The following CARNS1 variants were observed in gnomAD, a reference collection of about 807,000 sequenced individuals.
CARNS1 encodes the protein carnosine synthase 1.
In CARNS1, 61 loss-of-function variants were observed where a neutral mutation model predicts 74.0. That is an observed-to-expected ratio of 0.82 (90% CI 0.67 to 1.02). CARNS1 has a LOEUF of 1.02. Ranked by LOEUF, CARNS1 falls within the 50% of genes least tolerant of loss-of-function variation. The probability of loss-of-function intolerance (pLI) is 0.00; values close to 1 mark genes in which losing one functional copy is unlikely to be tolerated. For missense variants in CARNS1, 1,278 were observed against 1,308.4 expected, an observed-to-expected ratio of 0.98 and a Z score of 0.36; for synonymous variants, 568 against 605.5, an observed-to-expected ratio of 0.94 and a Z score of 0.91.
intron 1 of CARNS1, 141 bp downstream of exon 1, chr11:67,415,904 C>G (rs967566448): frequency 3.8e-6 from 1 of 264,454 alleles, no homozygotes; most frequent in Non-Finnish European, 7.2e-6. Flanking sequence ...GGACCCGGTG[C>G]CCCCAACTCC....
rs1390038623 is a variant in CARNS1 at position 67,419,814 on chromosome 11, G to C, written c.1089G>C (p.Gln363His). 8.8e-6 allele frequency: 14 copies of C among 1,594,272 alleles called. No individual in the cohort carries two copies. The highest frequency in any genetic ancestry group is 1.1e-5 in the Non-Finnish European group (13 of 1,171,020). Residue 363 changes from glutamine (Q) to histidine (H), a missense_variant, in exon 7 of 10, where the codon CAG becomes CAC. Transcript: ENST00000687366. ...TCTGTGCTGTGGTGTGTCGGACACA[G>C]GGTGATAGGCCACTGCTGAGCAAGG... ...VRICAVVCRT[Q>H]GDRPLLSKVV... is the part of the protein sequence containing the mutation.
At chr11:67,421,328 C>G in intron 9 of CARNS1, 109 bp downstream of exon 9, 1 of 1,222,064 alleles carries the variant, frequency 8.2e-7, no homozygotes, top group Non-Finnish European at 1.1e-6. Flanking sequence ...GCGGGACCAG[C>G]CGCGCTAGAG....
In CARNS1 at chr11:67,420,822, G is replaced by A. The variant is rs926940738; in HGVS notation, c.1327G>A (p.Ala443Thr). The A allele has an allele frequency of 8.2e-7, 1 of 1,223,168 alleles. No individual in the cohort carries two copies. Among genetic ancestry groups the A allele is most frequent in the Non-Finnish European group, 1.0e-6 (1 of 983,474 alleles). 75.8% of individuals were successfully genotyped at this position (1,223,168 alleles called of 1,614,324 possible). Residue 443 changes from alanine to threonine, a missense_variant, in exon 8 of 10, where the codon GCG becomes ACG. Around this residue, in one of 3 missense-constraint regions of CARNS1, gnomAD observed 1,164 missense variants for 1,156.5 expected, o/e 1.01. Transcript: ENST00000687366. ...LSAEQRGGRR[A>T]HTDFLGVDFA... The stretch of plus-strand genomic sequence containing the variant: ...TGCCGAGCAGCGCGGCGGGCGCCGG[G>A]CGCACACGGACTTCCTGGGTGAGTG...
In CARNS1 at chr11:67,418,467, G is replaced by A; in HGVS notation, c.311G>A (p.Gly104Asp). ...PGAEVTLCVLGSPSTFLPVLL... is the reference protein window; with the variant it reads ...PGAEVTLCVLDSPSTFLPVLL... ...GCGGAGGTGACCTTGTGCGTTCTGG[G>A]CTCCCCCAGCACCTTTCTGCCTGTG... The change falls in exon 4 of 10, where the codon GGC becomes GAC. Residue 104 changes from glycine to aspartate, a missense_variant. By Grantham distance (94) the Gly-to-Asp change is moderately conservative. Transcript: ENST00000687366. 1 of 1,478,136 alleles carries A rather than the reference G, an allele frequency of 6.8e-7. No homozygotes were observed. Among genetic ancestry groups the A allele is most frequent in the Non-Finnish European group, 8.9e-7 (1 of 1,117,962 alleles). 91.6% of individuals were successfully genotyped at this position (1,478,136 alleles called of 1,614,324 possible).
In CARNS1 at chr11:67,421,025, G is replaced by A. The variant is rs545975688; in HGVS notation, c.1432G>A (p.Gly478Ser). 1 of 1,372,456 alleles carries A rather than the reference G, an allele frequency of 7.3e-7. No homozygotes were observed. Among genetic ancestry groups the A allele is most frequent in the Non-Finnish European group, 9.3e-7 (1 of 1,069,728 alleles). The allele number at this position is 1,372,456 out of a possible 1,614,324, so 85.0% of individuals were successfully genotyped here. Residue 478 changes from glycine to serine, a missense_variant, in exon 9 of 10, where the codon GGC (glycine) becomes AGC (serine). Physicochemically the swap from Gly to Ser is moderately conservative, Grantham distance 56. Transcript: ENST00000687366. Reference protein sequence around the residue: ...LNGGLCLEACGALEGLWAAPR... With the variant: ...LNGGLCLEACSALEGLWAAPR... ...CGGCGGCCTGTGTCTGGAGGCGTGCGGCGCGCTGGAGGGGCTGTGGGCCGC... is the reference window on the plus strand; with the variant it reads ...CGGCGGCCTGTGTCTGGAGGCGTGCAGCGCGCTGGAGGGGCTGTGGGCCGC...
intron 2 of CARNS1, chr11:67,416,526 A>G: frequency 8.5e-7 from 1 of 1,181,476 alleles, no homozygotes; most frequent in Non-Finnish European, 1.1e-6. Flanking sequence ...ACAGCACACC[A>G]TCTCCCAACA....
rs185582246 is a variant in CARNS1, at chr11:67,424,181, C to T, written c.2433C>T (p.Ile811=). 3.2e-4 allele frequency: 517 copies of T among 1,613,904 alleles called. 1 individual carries two copies. The African/African-American group carries it at 5.9e-3, about 18-fold the overall frequency. ...LKLTGAGPRL[I]EINPRMGGFY... is the part of the protein sequence containing the mutation. ...TGACCGGGGCTGGGCCTCGGCTTAT[C>T]GAGATCAACCCCCGCATGGGTGGCT... The change falls in exon 10 of 10, where the codon ATC becomes ATT. Residue 811 remains isoleucine (I), a synonymous_variant. Coordinates refer to ENST00000687366, the MANE Select transcript of CARNS1 (RefSeq NM_001166222.2).
intron 9 of CARNS1, among the ~76,000 whole-genome samples, chr11:67,422,171 CTT>C (rs35293042): frequency 7.1e-4 from 52 of 72,788 alleles, no homozygotes; most frequent in African/African-American, 4.2e-3. Context: ...CGCGCCCGGC[CTT>C]TTTTTTTTTT....
intron 7 of CARNS1, among the ~76,000 whole-genome samples, 156 bp from the exon 8 acceptor site, chr11:67,420,453 G>C (rs1863665144): frequency 6.6e-6 from 1 of 152,234 alleles, no homozygotes; most frequent in Non-Finnish European, 1.5e-5. Context: ...ATGGGGAGTG[G>C]CAGGGAGAGC....
chr11:67,421,113 G>A lies in CARNS1; in HGVS notation c.1520G>A (p.Arg507Gln). 6.9e-7 allele frequency: 1 copy of A among 1,458,230 alleles called. No homozygotes were observed. Among genetic ancestry groups the A allele is most frequent in the African/African-American group, 1.5e-5 (1 of 67,646 alleles). The allele number at this position is 1,458,230 out of a possible 1,614,324, so 90.3% of individuals were successfully genotyped here. The part of the protein sequence containing the change: ...VAAPLVETML[R>Q]RSARCLMEGK... ...GCGCCGCTGGTGGAGACCATGCTTC[G>A]GCGGTCGGCGCGCTGCCTCATGGAG... Residue 507 changes from arginine (R) to glutamine (Q), a missense_variant, in exon 9 of 10, where the codon CGG becomes CAG. Around this residue, in one of 3 missense-constraint regions of CARNS1, gnomAD observed 1,164 missense variants for 1,156.5 expected, o/e 1.01. Coordinates refer to ENST00000687366, the MANE Select transcript of CARNS1 (RefSeq NM_001166222.2).
chr11:67,415,997 G>T, intron 1 of CARNS1, 179 bp from the exon 2 acceptor site: 1 of 621,372 alleles, frequency 1.6e-6, no homozygotes, highest in Non-Finnish European at 2.9e-6. Context: ...GAGCCACTCG[G>T]TCTGGGCAGC....
chr11:67,424,004 T>C lies in CARNS1; in HGVS notation c.2256T>C (p.Asn752=). The part of the protein sequence containing the change: ...GRLLAAFVSD[N]GPTRLPGFTE... ...TGCTGGCTGCCTTTGTCTCCGACAA[T>C]GGCCCTACGAGGCTGCCTGGCTTCA... Residue 752 remains asparagine (N), a synonymous_variant, in exon 10 of 10, where the codon AAT becomes AAC. Coordinates refer to ENST00000687366, the MANE Select transcript of CARNS1 (RefSeq NM_001166222.2). 1 of 1,613,130 alleles carries C rather than the reference T, an allele frequency of 6.2e-7. No individual in the cohort carries two copies.
Position 67,420,609 on chromosome 11 carries a change from G to A in CARNS1, c.1114G>A (p.Val372Met). Reference protein sequence around the residue: ...TQGDRPLLSKVVCGVGRGDRP... With the variant: ...TQGDRPLLSKMVCGVGRGDRP... ...TCCCCCTGAGTCTCCCCCTGCCCAG[G>A]TGGTGTGCGGCGTGGGCCGCGGGGA... Residue 372 changes from valine (V) to methionine (M), a missense_variant and splice_region_variant, in exon 8 of 10, where the codon GTG becomes ATG. By Grantham distance (21) the Val-to-Met change is conservative (BLOSUM62 1). Coordinates refer to ENST00000687366, the MANE Select transcript of CARNS1 (RefSeq NM_001166222.2). 1 of 1,238,858 alleles carries A rather than the reference G, an allele frequency of 8.1e-7. No homozygotes were observed. Among genetic ancestry groups the A allele is most frequent in the East Asian group, 3.1e-5 (1 of 31,810 alleles). The allele number at this position is 1,238,858 out of a possible 1,614,324, so 76.7% of individuals were successfully genotyped here. A position where few individuals can be genotyped will look rare whatever the true frequency, so the allele number is the denominator to read the frequency against.
chr11:67,419,017 T>C lies in CARNS1; in HGVS notation c.626T>C (p.Leu209Pro). 1 of 1,558,950 alleles carries C rather than the reference T, an allele frequency of 6.4e-7. No individual in the cohort carries two copies. Among genetic ancestry groups the C allele is most frequent in the Non-Finnish European group, 8.7e-7 (1 of 1,152,430 alleles). ...PTGASAELARLLEDRLLTRQL... is the reference protein window; with the variant it reads ...PTGASAELARPLEDRLLTRQL... ...GGAGCTTCGGCTGAGCTGGCCCGGC[T>C]GCTGGAGGACCGGCTGCTGACAAGG... The change falls in exon 5 of 10, where the codon CTG (leucine) becomes CCG (proline). Residue 209 changes from leucine to proline, a missense_variant. This residue lies in a region of CARNS1 where 1,164 missense variants were observed against 1,156.5 expected (regional missense o/e 1.01). Transcript: ENST00000687366.
intron 3 of CARNS1, among the ~76,000 whole-genome samples, chr11:67,418,094 G>A (rs536908148): frequency 6.6e-6 from 1 of 152,194 alleles, no homozygotes; most frequent in Non-Finnish European, 1.5e-5. Flanking sequence ...GAATACCTGA[G>A]AATCACAGAC....
intron 7 of CARNS1, 113 bp from the exon 8 acceptor site, chr11:67,420,496 G>A: frequency 3.5e-6 from 2 of 566,330 alleles, no homozygotes; most frequent in Non-Finnish European, 5.2e-6. Flanking sequence ...TGGAGGACGG[G>A]GCTTCTTGAA....
Position 67,423,383 on chromosome 11 carries a change from C to G in CARNS1, c.1635C>G (p.Leu545=). Residue 545 remains leucine, a synonymous_variant, in exon 10 of 10, where the codon CTC becomes CTG. Coordinates refer to ENST00000687366, the MANE Select transcript of CARNS1 (RefSeq NM_001166222.2). The surrounding 1 kb of genome is among the most constrained non-coding windows in gnomAD (Gnocchi z 5.1). The stretch of plus-strand genomic sequence containing the variant: ...CCCTGTGGCTTCTGCAGCTGCACCT[C>G]GTGGAGTCAGACCCCAACCACTTTG... ...AARDYGLQLH[L]VESDPNHFAS... 1 of 1,601,426 alleles carries G rather than the reference C, an allele frequency of 6.2e-7. No homozygotes were observed. Among genetic ancestry groups the G allele is most frequent in the Non-Finnish European group, 8.5e-7 (1 of 1,171,354 alleles).
chr11:67,422,913 G>A (rs527246644), intron 9 of CARNS1, among the ~76,000 whole-genome samples: 9 of 152,344 alleles, frequency 5.9e-5, no homozygotes, highest in African/African-American at 2.2e-4. Flanking sequence ...GGGCCCCACT[G>A]GATTCCTCCG....
In CARNS1 at chr11:67,423,545, C is replaced by T. The variant is rs749147113; in HGVS notation, c.1797C>T (p.Asp599=). 24 of 1,612,592 alleles carry T rather than the reference C, an allele frequency of 1.5e-5. No individual in the cohort carries two copies. Among genetic ancestry groups the T allele is most frequent in the Non-Finnish European group, 2.0e-5 (23 of 1,179,344 alleles). The change falls in exon 10 of 10, where the codon GAC becomes GAT. Residue 599 remains aspartate (D), a synonymous_variant. Coordinates refer to ENST00000687366, the MANE Select transcript of CARNS1 (RefSeq NM_001166222.2). The surrounding 1 kb of genome is among the most constrained non-coding windows in gnomAD (Gnocchi z 5.1). ...KLDGCFSYWD[D]CLVLTALLCQ... ...ATGGCTGCTTCTCCTACTGGGATGA[C>T]TGCCTGGTGCTCACAGCCCTGCTCT...
Sources: allele counts gnomAD v4.1 joint callset (sites outside exome capture counted in the v4.1 genomes callset), GRCh38; gene constraint gnomAD v4.1.1; regional missense constraint gnomAD v4.1.1; non-coding constraint Gnocchi (gnomAD v3.1); transcripts MANE v1.5; gene names NCBI Gene and HGNC (gene_info 2026-07-23, HGNC 2026-07-21).